The following LHCGR variants were observed in gnomAD, a reference collection of about 807,000 sequenced individuals.
LHCGR encodes the protein luteinizing hormone/choriogonadotropin receptor.
Under a neutral mutation model 60.7 loss-of-function variants are expected in LHCGR, and 55 were observed. That is an observed-to-expected ratio of 0.91 (90% CI 0.73 to 1.13). LHCGR has a LOEUF of 1.13. Ranked by LOEUF, LHCGR falls within the 50% of genes most tolerant of loss-of-function variation. The pLI is 0.00. For missense variants in LHCGR, 862 were observed against 836.0 expected (o/e 1.03, Z -0.38); for synonymous variants, 337 against 316.5 (o/e 1.06, Z -0.69).
At chr2:48,713,916 G>T in intron 7 of LHCGR, 70 bp downstream of exon 7, 1 of 1,199,188 alleles carries the variant, frequency 8.3e-7, no homozygotes, top group Non-Finnish European at 1.2e-6. Flanking sequence ...GCTGAAGATT[G>T]AATGTGATCT....
intron 1 of LHCGR, 64 bp downstream of exon 1, chr2:48,755,447 G>T: frequency 9.8e-7 from 1 of 1,021,226 alleles, no homozygotes; most frequent in Non-Finnish European, 1.5e-6. Flanking sequence ...AGGGAGGGAA[G>T]GTGGCATAGA....
intron 9 of LHCGR, among the ~76,000 whole-genome samples, chr2:48,696,395 T>C (rs1667115323): frequency 6.6e-6 from 1 of 152,222 alleles, no homozygotes; most frequent in South Asian, 2.1e-4. Context: ...GGCAGTAGGG[T>C]GCAAGGCCGC....
chr2:48,747,988 A>T (rs1326648385), intron 1 of LHCGR, among the ~76,000 whole-genome samples: 2 of 152,128 alleles, frequency 1.3e-5, no homozygotes, highest in Non-Finnish European at 2.9e-5. Context: ...AGCTTAGGGG[A>T]TAACCATGCT....
At chr2:48,727,915 T>G (rs1367734088) in intron 3 of LHCGR, among the ~76,000 whole-genome samples, 1 of 152,184 alleles carries the variant, frequency 6.6e-6, no homozygotes, top group Non-Finnish European at 1.5e-5. Context: ...GGGGACCCTG[T>G]GGTATAGTGG....
chr2:48,733,082 A>G (rs1669078053), intron 1 of LHCGR: 1 of 422,118 alleles, frequency 2.4e-6, no homozygotes, highest in African/African-American at 2.1e-5. Context: ...CCAAACCAAT[A>G]AATTTACAGA....
At chr2:48,716,915 TA>T (rs1486999198) in intron 6 of LHCGR, among the ~76,000 whole-genome samples, 1 of 152,216 alleles carries the variant, frequency 6.6e-6, no homozygotes, top group Non-Finnish European at 1.5e-5. Context: ...TCAGACCTAT[TA>T]AATCAGAAAC....
chr2:48,688,643 A>T lies in LHCGR; in HGVS notation c.1154T>A (p.Leu385Gln), dbSNP rs908225710. Residue 385 changes from leucine (L) to glutamine (Q), a missense_variant, in exon 11 of 11, where the codon CTG becomes CAG. By Grantham distance (113) the Leu-to-Gln change is moderately radical (BLOSUM62 -2). Transcript: ENST00000294954. The surrounding 1 kb of genome is among the most constrained non-coding windows in gnomAD (Gnocchi z 5.2). Reference protein sequence around the residue: ...MGNMTVLFVLLTSRYKLTVPR... With the variant: ...MGNMTVLFVLQTSRYKLTVPR... Reference sequence around the variant, plus strand: ...CACTGTAAGTTTGTAACGACTTGTCAGGAGAACAAAAAGAACAGTCATGTT... The same window carrying T: ...CACTGTAAGTTTGTAACGACTTGTCTGGAGAACAAAAAGAACAGTCATGTT... The T allele has an allele frequency of 6.2e-7, 1 of 1,614,110 alleles. No homozygotes were observed. Among genetic ancestry groups the T allele is most frequent in the African/African-American group, 1.3e-5 (1 of 74,930 alleles).
chr2:48,733,502 G>A (rs920881923), intron 1 of LHCGR, among the ~76,000 whole-genome samples: 2 of 152,292 alleles, frequency 1.3e-5, no homozygotes, highest in African/African-American at 2.4e-5. Flanking sequence ...ATTTTGCAGC[G>A]TTGATGTTGA....
At chr2:48,720,859 G>A (rs1668465865) in intron 6 of LHCGR, 1 of 152,158 alleles carries the variant, frequency 6.6e-6, no homozygotes, top group African/African-American at 2.4e-5. Flanking sequence ...TATCTCATAA[G>A]GTTGCTATGG....
At chr2:48,690,215 C>T (rs923944064) in intron 10 of LHCGR, among the ~76,000 whole-genome samples, 1 of 152,194 alleles carries the variant, frequency 6.6e-6, no homozygotes. Flanking sequence ...ATTGTGATGA[C>T]TTCCAAGGCC....
intron 1 of LHCGR, among the ~76,000 whole-genome samples, chr2:48,736,355 A>G (rs978230478): frequency 1.3e-5 from 2 of 152,118 alleles, no homozygotes; most frequent in Non-Finnish European, 2.9e-5. Flanking sequence ...CTTCCTATCA[A>G]TTCTTACCTG....
At chr2:48,727,732 A>G (rs1251313046) in intron 3 of LHCGR, among the ~76,000 whole-genome samples, 1 of 152,210 alleles carries the variant, frequency 6.6e-6, no homozygotes, top group South Asian at 2.1e-4. Flanking sequence ...TTTCTCTGTA[A>G]TTGGTGAGTA....
At chr2:48,715,700 T>A (rs1417212914) in intron 6 of LHCGR, among the ~76,000 whole-genome samples, 1 of 152,194 alleles carries the variant, frequency 6.6e-6, no homozygotes, top group Non-Finnish European at 1.5e-5. Flanking sequence ...TGTGTATGTA[T>A]GTGTGGTCTC....
chr2:48,699,057 C>G (rs776911745), intron 8 of LHCGR, among the ~76,000 whole-genome samples: 1 of 152,178 alleles, frequency 6.6e-6, no homozygotes, highest in East Asian at 1.9e-4. Flanking sequence ...ATCTTCTGAC[C>G]TCGTGATCCG....
At chr2:48,738,700 G>A (rs1437921725) in intron 1 of LHCGR, among the ~76,000 whole-genome samples, 1 of 152,190 alleles carries the variant, frequency 6.6e-6, no homozygotes, top group Non-Finnish European at 1.5e-5. Context: ...ATATAGGCCA[G>A]TCTGAATTGA....
chr2:48,726,744 A>G (rs748013151), intron 3 of LHCGR, among the ~76,000 whole-genome samples: 31 of 152,218 alleles, frequency 2.0e-4, no homozygotes, highest in Non-Finnish European at 3.1e-4. Flanking sequence ...GACCTTAGAT[A>G]TATCACTTTA....
At chr2:48,736,989 A>G (rs184932149) in intron 1 of LHCGR, among the ~76,000 whole-genome samples, 20 of 152,304 alleles carry the variant, frequency 1.3e-4, no homozygotes, top group Admixed American at 2.6e-4. Flanking sequence ...TGAATACAAG[A>G]TGTTTCCCAG....
Position 48,698,775 on chromosome 2 carries a change from C to T in LHCGR, c.706G>A (p.Ala236Thr), listed in dbSNP as rs1335177706. 6.2e-7 allele frequency: 1 copy of T among 1,613,928 alleles called. No homozygotes were observed. The highest frequency in any genetic ancestry group is 1.1e-5 in the South Asian group (1 of 91,070). The stretch of plus-strand genomic sequence containing the variant: ...GACTCTAGGCCATAGCTCGGCAGGG[C>T]CTGCAATTTGGTGGAAGAAATATCC... ...TLDISSTKLQ[A>T]LPSYGLESIQ... The change falls in exon 9 of 11, where the codon GCC (alanine) becomes ACC (threonine). Residue 236 changes from alanine (A) to threonine (T), a missense_variant. Physicochemically the swap from Ala to Thr is moderately conservative, Grantham distance 58. Transcript: ENST00000294954.
intron 1 of LHCGR, among the ~76,000 whole-genome samples, chr2:48,753,824 G>C (rs374696193): frequency 6.6e-6 from 1 of 152,008 alleles, no homozygotes; most frequent in Non-Finnish European, 1.5e-5. Flanking sequence ...GTGTGTGTGT[G>C]TGTGTTTTAT....
Sources: gnomAD v4.1 joint callset for allele counts (sites outside exome capture counted in the v4.1 genomes callset) on GRCh38, gnomAD v4.1.1 for gene constraint, Gnocchi (gnomAD v3.1) non-coding constraint, MANE v1.5 for transcripts, NCBI Gene and HGNC (gene_info 2026-07-23, HGNC 2026-07-21) for gene names.